The following TACC1 variants were observed in gnomAD, a reference collection of about 807,000 sequenced individuals.
TACC1 encodes the protein transforming acidic coiled-coil containing protein 1.
A neutral mutation model predicts 84.4 loss-of-function variants in TACC1; 48 were observed. The observed-to-expected ratio is 0.57, with a 90% CI of 0.45 to 0.72. The LOEUF (loss-of-function observed/expected upper bound fraction) is 0.72. Ranked by LOEUF, TACC1 falls within the 30% of genes least tolerant of loss-of-function variation. TACC1 has a pLI of 0.00. For synonymous variants in TACC1, 372 were observed against 376.3 expected (o/e 0.99, Z 0.13); for missense variants, 920 against 973.0 (o/e 0.95, Z 0.72).
At chr8:38,730,657 C>G (rs1041121833) in intron 1 of TACC1, among the ~76,000 whole-genome samples, 1 of 152,214 alleles carries the variant, frequency 6.6e-6, no homozygotes, top group Non-Finnish European at 1.5e-5. Context: ...GCCCCCTCCC[C>G]CTGAGTCTGA....
At chr8:38,800,913 TTGTC>T (rs1275425128) in intron 2 of TACC1, among the ~76,000 whole-genome samples, 1 of 152,242 alleles carries the variant, frequency 6.6e-6, no homozygotes, top group Non-Finnish European at 1.5e-5. Context: ...ACACTTCTTA[TTGTC>T]TGTCTGTTTG....
In TACC1 at chr8:38,819,687, T is replaced by C; in HGVS notation, c.443T>C (p.Ile148Thr). ...GAACATGATTTTAGCAAAATTTCCA[T>C]CGTGAGGCCATTTTCAATAGAAACG... ...EPEHDFSKIS[I>T]VRPFSIETKD... The change falls in exon 3 of 13, where the codon ATC (isoleucine) becomes ACC (threonine). Residue 148 changes from isoleucine (I) to threonine (T), a missense_variant. Ile to Thr is a moderately conservative substitution (Grantham distance 89). Around this residue, in one of 2 missense-constraint regions of TACC1, gnomAD observed 762 missense variants for 747.3 expected, o/e 1.02. Coordinates refer to ENST00000317827, the MANE Select transcript of TACC1 (RefSeq NM_006283.3). 6.2e-7 allele frequency: 1 copy of C among 1,614,152 alleles called. No homozygotes were observed. Among genetic ancestry groups the C allele is most frequent in the African/African-American group, 1.3e-5 (1 of 75,038 alleles).
At chr8:38,801,354 C>A (rs115758117) in intron 2 of TACC1, among the ~76,000 whole-genome samples, 2 of 152,294 alleles carry the variant, frequency 1.3e-5, no homozygotes, top group East Asian at 3.9e-4. Context: ...TGAGCTCTTA[C>A]ATTTAGATTT....
In TACC1 at chr8:38,800,323, CAG is replaced by C. The variant is rs1445395831; in HGVS notation, c.277+11507_277+11508del. 3.3e-5 allele frequency among the ~76,000 whole-genome samples: 5 copies of C among 152,314 alleles called. No homozygotes were observed. In the East Asian group the frequency reaches 7.7e-4, roughly 23 times the overall value. On this transcript the variant is annotated intron_variant, in intron 2 of 12. Transcript: ENST00000317827. ...TTTATGATAGTTTTTAATTTATCGACAGAGTTGTACAACTATTATCTCAATTT... is the reference window on the plus strand; with the variant it reads ...TTTATGATAGTTTTTAATTTATCGACAGTTGTACAACTATTATCTCAATTT...
intron 1 of TACC1, among the ~76,000 whole-genome samples, chr8:38,731,250 G>C (rs539625142): frequency 6.6e-6 from 1 of 152,256 alleles, no homozygotes; most frequent in East Asian, 1.9e-4. Flanking sequence ...AGGTGGTAAG[G>C]TTCAATGGGA....
At chr8:38,748,246 A>G (rs75445003) in intron 3 of TACC1, among the ~76,000 whole-genome samples, 1,813 of 152,272 alleles carry the variant, frequency 0.012, 33 homozygotes, top group African/African-American at 0.042. Flanking sequence ...AAGAAAAGGA[A>G]TAATTGATCA....
Position 38,737,162 on chromosome 8 carries a change from G to A in TACC1, c.-674-5189G>A, listed in dbSNP as rs140276715. Among the ~76,000 whole-genome samples, 25 of 152,238 alleles carry A rather than the reference G, an allele frequency of 1.6e-4. No individual in the cohort carries two copies. In the East Asian group the frequency reaches 4.3e-3, roughly 26 times the overall value. On this transcript the variant is annotated intron_variant, in intron 1 of 14. Coordinates refer to the TACC1 transcript ENST00000518415. ...CCGCCGCTGGTCAGTGACAAGGCCC[G>A]GACTAAAACAGAAGTCTTGGCACTC... is the stretch of plus-strand genomic sequence containing the variant.
At chr8:38,808,982 A>T (rs754996086) in intron 2 of TACC1, among the ~76,000 whole-genome samples, 1 of 151,878 alleles carries the variant, frequency 6.6e-6, no homozygotes, top group Non-Finnish European at 1.5e-5. Context: ...GTGACTTGGT[A>T]TAGGGCTGGG....
chr8:38,775,176 G>A (rs901279920), intron 3 of TACC1, among the ~76,000 whole-genome samples: 9 of 152,046 alleles, frequency 5.9e-5, no homozygotes, highest in Admixed American at 2.0e-4. Flanking sequence ...TATCTTTTGG[G>A]GCTGGGGGGA....
intron 3 of TACC1, among the ~76,000 whole-genome samples, chr8:38,780,391 C>G (rs1278370741): frequency 6.6e-6 from 1 of 152,030 alleles, no homozygotes; most frequent in East Asian, 1.9e-4. Flanking sequence ...GAGATAGAGT[C>G]TCGCTCTGTT....
rs138974721 is a variant in TACC1 at position 38,840,389 on chromosome 8, C to G, written c.1960+122C>G. The G allele has an allele frequency of 1.2e-4, 102 of 863,936 alleles. No individual in the cohort carries two copies. In the African/African-American group the frequency reaches 1.6e-3, roughly 14 times the overall value. The allele number at this position is 863,936 out of a possible 1,614,324, so 53.5% of individuals were successfully genotyped here. On this transcript the variant is annotated intron_variant, in intron 9 of 12. Coordinates refer to ENST00000317827, the MANE Select transcript of TACC1 (RefSeq NM_006283.3). The stretch of plus-strand genomic sequence containing the variant: ...TAAACAACAAACATTTTTCATAGCT[C>G]TGGAGACAGGAGAGTTCAAGGTGCC...
At position 38,849,003 on chromosome 8, in the gene TACC1, T is replaced by C. The variant is rs180881470; in HGVS notation, c.*980T>C. On this transcript the variant is annotated 3_prime_UTR_variant, in exon 13 of 13. Transcript: ENST00000317827. ...AGACAGAGTTTCGATCTATTTTAAGTATGTGAAGAAAATCTACTTGTAAAA... is the reference window on the plus strand; with the variant it reads ...AGACAGAGTTTCGATCTATTTTAAGCATGTGAAGAAAATCTACTTGTAAAA... The C allele has an allele frequency of 6.6e-6, 1 of 152,022 alleles. No homozygotes were observed. Among genetic ancestry groups the C allele is most frequent in the East Asian group, 1.9e-4 (1 of 5,170 alleles). The allele number at this position is 152,022 out of a possible 1,614,324, so 9.4% of individuals were successfully genotyped here. A position where few individuals can be genotyped will look rare whatever the true frequency, so the allele number is the denominator to read the frequency against.
Position 38,736,832 on chromosome 8 carries a change from A to G in TACC1, c.-674-5519A>G, listed in dbSNP as rs367577277. Among the ~76,000 whole-genome samples, 17 of 152,284 alleles carry G rather than the reference A, an allele frequency of 1.1e-4. No homozygotes were observed. The East Asian group carries it at 3.3e-3, about 29-fold the overall frequency. Reference sequence around the variant, plus strand: ...AGACACATTTTTGAGGATTCTGTTCAGCTCCATACTCTCTAATTCTCTTAT... The same window carrying G: ...AGACACATTTTTGAGGATTCTGTTCGGCTCCATACTCTCTAATTCTCTTAT... On this transcript the variant is annotated intron_variant, in intron 1 of 14. Transcript: ENST00000518415.
Position 38,787,300 on chromosome 8 carries a change from T to G in TACC1, c.-283T>G, listed in dbSNP as rs1817449528. On this transcript the variant is annotated 5_prime_UTR_variant, in exon 1 of 13. Transcript: ENST00000317827. ...AGCCGGGCGCCGCGGGCCGGGGGCC[T>G]GAGGAGGCCACAGGACGGGCGTCTT... The G allele has an allele frequency of 1.7e-6, 2 of 1,161,950 alleles. No homozygotes were observed. Among genetic ancestry groups the G allele is most frequent in the Non-Finnish European group, 2.1e-6 (2 of 941,946 alleles). The allele number at this position is 1,161,950 out of a possible 1,614,324, so 72.0% of individuals were successfully genotyped here. A position where few individuals can be genotyped will look rare whatever the true frequency, so the allele number is the denominator to read the frequency against.
In TACC1 at chr8:38,767,852, C is replaced by T. The variant is rs375393211; in HGVS notation, c.27-20852C>T. ...GTCTGAGGTGGGAGGATCATTTGAGCCCAGGAGTTTGGGACCAGTCTGGGC... is the reference window on the plus strand; with the variant it reads ...GTCTGAGGTGGGAGGATCATTTGAGTCCAGGAGTTTGGGACCAGTCTGGGC... On this transcript the variant is annotated intron_variant, in intron 3 of 14. Transcript: ENST00000518415. Among the ~76,000 whole-genome samples, 302 of 152,236 alleles carry T rather than the reference C, an allele frequency of 2.0e-3. 4 individuals carry two copies. The highest frequency in any genetic ancestry group is 6.6e-3 in the African/African-American group (275 of 41,554).
At chr8:38,814,028 C>T (rs1418239967) in intron 2 of TACC1, among the ~76,000 whole-genome samples, 2 of 152,176 alleles carry the variant, frequency 1.3e-5, no homozygotes, top group Non-Finnish European at 2.9e-5. Context: ...TTATTTTATC[C>T]TGACCTCAGC....
At chr8:38,794,004 T>G (rs1203154005) in intron 2 of TACC1, among the ~76,000 whole-genome samples, 1 of 152,236 alleles carries the variant, frequency 6.6e-6, no homozygotes, top group Admixed American at 6.5e-5. Flanking sequence ...TTATACCTGC[T>G]GAACAAATGA....
At chr8:38,787,771 G>T in intron 1 of TACC1, 28 bp downstream of exon 1, 1 of 1,492,508 alleles carries the variant, frequency 6.7e-7, no homozygotes, top group Non-Finnish European at 8.9e-7. Context: ...CCGCTGAGAT[G>T]CAGACGCGCT....
chr8:38,768,067 TGAAGGAAGGAAGGAAGGAAGGAAG>T (rs72090925), intron 3 of TACC1, among the ~76,000 whole-genome samples: 15 of 120,036 alleles, frequency 1.2e-4, no homozygotes, highest in Admixed American at 5.5e-4. Context: ...GACGCTGTCT[TGAAGGAAGGAAGGAAGGAAGGAAG>T]GAAGGAAGGA....
Sources: gnomAD v4.1 joint callset for allele counts (sites outside exome capture counted in the v4.1 genomes callset) on GRCh38, gnomAD v4.1.1 for gene constraint, gnomAD v4.1.1 regional missense constraint, MANE v1.5 for transcripts, NCBI Gene and HGNC (gene_info 2026-07-23, HGNC 2026-07-21) for gene names.